MACROD2: variants seen among roughly 807,000 people sequenced by gnomAD.
The protein encoded by MACROD2 is ADP-ribose glycohydrolase MACROD2.
A neutral mutation model predicts 70.4 loss-of-function variants in MACROD2; 36 were observed. The observed-to-expected ratio is 0.51, with a 90% CI of 0.39 to 0.68. The LOEUF is 0.68. MACROD2 is among the 30% of genes least tolerant of loss of function. MACROD2 has a pLI of 0.00. For synonymous variants in MACROD2, 172 were observed against 178.8 expected, an observed-to-expected ratio of 0.96 and a Z score of 0.30; for missense variants, 496 against 538.4, an observed-to-expected ratio of 0.92 and a Z score of 0.78.
intron 13 of MACROD2, among the ~76,000 whole-genome samples, chr20:15,980,811 G>A (rs775121878): frequency 1.3e-5 from 2 of 152,168 alleles, no homozygotes; most frequent in Non-Finnish European, 1.5e-5. Context: ...TTGATAGATA[G>A]CATTTCTTAT....
chr20:15,259,605 T>C (rs149986519), intron 6 of MACROD2, among the ~76,000 whole-genome samples: 1 of 152,126 alleles, frequency 6.6e-6, no homozygotes, highest in East Asian at 1.9e-4. Context: ...TGTTAGAGAA[T>C]TTAAACTCTT....
chr20:15,426,638 C>T (rs2046302297), intron 6 of MACROD2, among the ~76,000 whole-genome samples: 1 of 151,686 alleles, frequency 6.6e-6, no homozygotes, highest in South Asian at 2.1e-4. Flanking sequence ...TTTTGTCTCC[C>T]TAGAATTTCT....
intron 3 of MACROD2, among the ~76,000 whole-genome samples, chr20:14,462,835 A>C (rs1248851275): frequency 1.3e-5 from 2 of 152,064 alleles, no homozygotes; most frequent in African/African-American, 2.4e-5. Flanking sequence ...GTCAAAGATC[A>C]GATAGTTGTA....
intron 5 of MACROD2, among the ~76,000 whole-genome samples, chr20:15,019,315 T>C (rs2075146604): frequency 6.6e-6 from 1 of 152,228 alleles, no homozygotes; most frequent in African/African-American, 2.4e-5. Context: ...AATAACCCTT[T>C]TATAAGTCAA....
At chr20:14,616,031 G>T (rs75655285) in intron 4 of MACROD2, among the ~76,000 whole-genome samples, 1 of 152,114 alleles carries the variant, frequency 6.6e-6, no homozygotes, top group Non-Finnish European at 1.5e-5. Flanking sequence ...TCCATTATCC[G>T]CAAAGGAAGA....
chr20:15,004,441 C>A (rs1276952581), intron 5 of MACROD2, among the ~76,000 whole-genome samples: 1 of 152,018 alleles, frequency 6.6e-6, no homozygotes, highest in Non-Finnish European at 1.5e-5. Context: ...GTTTTAACAC[C>A]CTTTTAAAGC....
chr20:14,644,440 G>GT (rs950402061), intron 4 of MACROD2, among the ~76,000 whole-genome samples: 12 of 152,230 alleles, frequency 7.9e-5, no homozygotes, highest in African/African-American at 2.6e-4. Context: ...TCCTCATGGG[G>GT]TTTTCAGAAA....
chr20:14,162,997 T>C (rs1478827498), intron 3 of MACROD2, among the ~76,000 whole-genome samples: 1 of 152,274 alleles, frequency 6.6e-6, no homozygotes, highest in Non-Finnish European at 1.5e-5. Flanking sequence ...TGGTTTTCTG[T>C]AGAGGTAATA....
chr20:15,506,958 A>G (rs915208910), intron 8 of MACROD2, among the ~76,000 whole-genome samples: 3 of 152,212 alleles, frequency 2.0e-5, no homozygotes, highest in Non-Finnish European at 2.9e-5. Flanking sequence ...TGCACTTGAA[A>G]AAATAAATTG....
intron 10 of MACROD2, among the ~76,000 whole-genome samples, chr20:15,891,843 A>T (rs1212956517): frequency 6.6e-6 from 1 of 152,172 alleles, no homozygotes; most frequent in East Asian, 1.9e-4. Context: ...TTACAAAAAA[A>T]TTGAAAGGGC....
intron 8 of MACROD2, among the ~76,000 whole-genome samples, chr20:15,625,178 G>A (rs2049184705): frequency 6.6e-6 from 1 of 152,180 alleles, no homozygotes; most frequent in East Asian, 1.9e-4. Context: ...AGCCAAAAAT[G>A]GATAATGAAG....
chr20:15,790,018 T>C (rs989664896), intron 8 of MACROD2, among the ~76,000 whole-genome samples: 1 of 152,006 alleles, frequency 6.6e-6, no homozygotes, highest in Admixed American at 6.6e-5. Flanking sequence ...TCTGAAATTT[T>C]AAAGAACCAA....
At chr20:15,627,606 T>C (rs1303997050) in intron 8 of MACROD2, among the ~76,000 whole-genome samples, 2 of 151,934 alleles carry the variant, frequency 1.3e-5, no homozygotes, top group South Asian at 4.2e-4. Context: ...CTGACTTACT[T>C]CTGGGTGGGG....
intron 10 of MACROD2, among the ~76,000 whole-genome samples, chr20:15,919,878 A>C (rs1032766208): frequency 6.6e-6 from 1 of 152,214 alleles, no homozygotes; most frequent in African/African-American, 2.4e-5. Flanking sequence ...TATTTTATTT[A>C]TTCAAAGTGG....
chr20:15,926,345 C>T (rs1386989061), intron 10 of MACROD2, among the ~76,000 whole-genome samples: 3 of 152,136 alleles, frequency 2.0e-5, no homozygotes, highest in Non-Finnish European at 4.4e-5. Context: ...AAGGCAAGAG[C>T]GTATTTCATT....
intron 5 of MACROD2, among the ~76,000 whole-genome samples, chr20:14,709,061 T>G (rs972559012): frequency 2.0e-5 from 3 of 152,188 alleles, no homozygotes; most frequent in African/African-American, 4.8e-5. Context: ...AGTTCAGCTT[T>G]AAATACTGAG....
chr20:14,524,914 C>T (rs921114140), intron 4 of MACROD2, among the ~76,000 whole-genome samples: 4 of 152,118 alleles, frequency 2.6e-5, no homozygotes, highest in Admixed American at 6.5e-5. Flanking sequence ...AACTCGTTCA[C>T]CACACTAGGA....
At chr20:15,681,272 T>G (rs181236752) in intron 8 of MACROD2, among the ~76,000 whole-genome samples, 1 of 152,326 alleles carries the variant, frequency 6.6e-6, no homozygotes, top group Non-Finnish European at 1.5e-5. Flanking sequence ...TAATTTTATC[T>G]CTCTTACTAC....
intron 5 of MACROD2, among the ~76,000 whole-genome samples, chr20:14,698,559 C>T (rs1444759389): frequency 2.0e-5 from 3 of 152,038 alleles, no homozygotes; most frequent in Non-Finnish European, 4.4e-5. Context: ...GTTGACATCA[C>T]AGCCCTTATA....
Sources: gnomAD v4.1 joint callset for allele counts (sites outside exome capture counted in the v4.1 genomes callset) on GRCh38, gnomAD v4.1.1 for gene constraint, MANE v1.5 for transcripts, NCBI Gene and HGNC (gene_info 2026-07-23, HGNC 2026-07-21) for gene names.